Variants in ASCC1 observed in about 807,000 individuals in gnomAD.
ASCC1 encodes the protein ASC-1 complex subunit P50.
Under a neutral mutation model 46.6 loss-of-function variants are expected in ASCC1, and 35 were observed. That is an observed-to-expected ratio of 0.75 (90% confidence interval 0.57 to 0.99). The LOEUF (loss-of-function observed/expected upper bound fraction) is 0.99. Among genes scored for constraint, ASCC1 ranks in the 50% least tolerant of loss-of-function variants. The probability of loss-of-function intolerance (pLI) is 0.00; values close to 1 mark genes in which losing one functional copy is unlikely to be tolerated. For missense variants in ASCC1, 376 were observed against 428.7 expected, an observed-to-expected ratio of 0.88 and a Z score of 1.09; for synonymous variants, 143 against 146.6, an observed-to-expected ratio of 0.98 and a Z score of 0.18.
chr10:72,129,761 G>C (rs1385630949), intron 8 of ASCC1, among the ~76,000 whole-genome samples: 1 of 151,214 alleles, frequency 6.6e-6, no homozygotes, highest in African/African-American at 2.4e-5. Flanking sequence ...AGCCAAGATT[G>C]CACCACTGTA....
chr10:72,156,092 G>A (rs1021656384), intron 6 of ASCC1, among the ~76,000 whole-genome samples: 2 of 152,208 alleles, frequency 1.3e-5, no homozygotes, highest in African/African-American at 4.8e-5. Context: ...AGTGGGAGGT[G>A]TTGGGATCAT....
intron 9 of ASCC1, 132 bp from the exon 10 acceptor site, chr10:72,097,582 T>C (rs1440352080): frequency 1.6e-6 from 1 of 629,434 alleles, no homozygotes; most frequent in East Asian, 3.1e-5. Context: ...CTTTTCAGTG[T>C]TTACTCTGAA....
chr10:72,182,855 C>T (rs891081069), intron 5 of ASCC1, among the ~76,000 whole-genome samples: 2 of 150,360 alleles, frequency 1.3e-5, no homozygotes, highest in Non-Finnish European at 3.0e-5. Context: ...AAACTAAATG[C>T]AATGCCTGAC....
intron 5 of ASCC1, among the ~76,000 whole-genome samples, chr10:72,187,049 A>T (rs1853564430): frequency 6.6e-6 from 1 of 152,042 alleles, no homozygotes; most frequent in South Asian, 2.1e-4. Context: ...AGCTTCAACT[A>T]GTTTGCATTT....
At chr10:72,190,092 T>G in intron 5 of ASCC1, 1 of 758,864 alleles carries the variant, frequency 1.3e-6, no homozygotes, top group Non-Finnish European at 2.4e-6. Context: ...GCGCAGCAAC[T>G]GGGCTGCAAG....
At chr10:72,197,769 G>A (rs1855684561) in intron 4 of ASCC1, among the ~76,000 whole-genome samples, 1 of 151,090 alleles carries the variant, frequency 6.6e-6, no homozygotes, top group South Asian at 2.1e-4. Flanking sequence ...AGCTGGGTGT[G>A]GTGTCACATG....
At chr10:72,202,969 G>C (rs1856692308) in intron 4 of ASCC1, among the ~76,000 whole-genome samples, 3 of 152,054 alleles carry the variant, frequency 2.0e-5, no homozygotes, top group African/African-American at 7.2e-5. Flanking sequence ...TCATTTGGGA[G>C]ACTGGTACTG....
chr10:72,164,850 T>A (rs1027144699), intron 5 of ASCC1, among the ~76,000 whole-genome samples: 4 of 152,220 alleles, frequency 2.6e-5, no homozygotes, highest in African/African-American at 9.6e-5. Flanking sequence ...TACATTGTGG[T>A]TTTGACTTGC....
chr10:72,206,202 G>C (rs11000220), intron 3 of ASCC1, among the ~76,000 whole-genome samples: 21,559 of 151,078 alleles, frequency 0.14, 4,382 homozygotes, highest in African/African-American at 0.45. Context: ...GTCAGGAGTT[G>C]GAAACCAGCC....
chr10:72,169,187 C>T lies in ASCC1; in HGVS notation c.490-7513G>A, dbSNP rs545669583. 1.6e-4 allele frequency among the ~76,000 whole-genome samples: 25 copies of T among 152,312 alleles called. No homozygotes were observed. In the South Asian group the frequency reaches 3.5e-3, roughly 21 times the overall value. On this transcript the variant is annotated intron_variant, in intron 5 of 9. Coordinates refer to ENST00000672957, the MANE Select transcript of ASCC1 (RefSeq NM_001198800.3). Reference sequence around the variant, plus strand: ...GTGCAGGACAGGGCGGGTTGCCTCACACCTGCAATCCCAGCACTTTGGGAG... The same window carrying T: ...GTGCAGGACAGGGCGGGTTGCCTCATACCTGCAATCCCAGCACTTTGGGAG...
chr10:72,112,497 T>C (rs903013541), intron 9 of ASCC1, among the ~76,000 whole-genome samples: 2 of 151,990 alleles, frequency 1.3e-5, no homozygotes, highest in African/African-American at 4.8e-5. Flanking sequence ...GTGATGATGG[T>C]CGCGTAACAA....
chr10:72,113,809 A>G (rs1159477816), intron 9 of ASCC1, among the ~76,000 whole-genome samples: 1 of 152,232 alleles, frequency 6.6e-6, no homozygotes, highest in East Asian at 1.9e-4. Context: ...AAAGCCCCTA[A>G]TAATCTTCTG....
intron 7 of ASCC1, among the ~76,000 whole-genome samples, chr10:72,137,812 G>C (rs1434654194): frequency 6.6e-6 from 1 of 151,836 alleles, no homozygotes; most frequent in African/African-American, 2.4e-5. Flanking sequence ...CAGATAAACT[G>C]CTTTTAAAAG....
In ASCC1 at chr10:72,096,286, T is replaced by A. The variant is rs777754938; in HGVS notation, c.*1048A>T. 1 of 453,972 alleles carries A rather than the reference T, an allele frequency of 2.2e-6. No individual in the cohort carries two copies. Among genetic ancestry groups the A allele is most frequent in the South Asian group, 1.6e-5 (1 of 64,472 alleles). The allele number at this position is 453,972 out of a possible 1,614,324, so 28.1% of individuals were successfully genotyped here. On this transcript the variant is annotated 3_prime_UTR_variant, in exon 10 of 10. Transcript: ENST00000672957. ...CCCGCCTCCCTCTGCTGGTCCGTGG[T>A]GAGGGAGGAGTGAGGGCCTCCTGTG...
intron 5 of ASCC1, among the ~76,000 whole-genome samples, chr10:72,178,151 T>G (rs568855775): frequency 2.6e-5 from 4 of 152,152 alleles, no homozygotes; most frequent in Non-Finnish European, 4.4e-5. Context: ...ATCAGAAGGA[T>G]AGAATGAGAC....
chr10:72,210,632 G>A (rs968358637), intron 3 of ASCC1, 100 bp downstream of exon 3: 1 of 863,350 alleles, frequency 1.2e-6, no homozygotes, highest in Non-Finnish European at 1.9e-6. Context: ...TTTATCATTA[G>A]TAATCAAGCA....
intron 9 of ASCC1, among the ~76,000 whole-genome samples, chr10:72,126,889 C>T (rs1235966996): frequency 6.6e-6 from 1 of 152,124 alleles, no homozygotes; most frequent in Non-Finnish European, 1.5e-5. Context: ...AAAGAGAAAA[C>T]ATATCAAGGA....
intron 9 of ASCC1, among the ~76,000 whole-genome samples, chr10:72,116,584 ATC>A (rs1028494247): frequency 8.5e-5 from 13 of 152,214 alleles, no homozygotes; most frequent in Admixed American, 7.2e-4. Context: ...TGTAATTTTT[ATC>A]TCTGTCTATG....
intron 9 of ASCC1, among the ~76,000 whole-genome samples, chr10:72,113,286 A>G (rs754213695): frequency 6.6e-6 from 1 of 152,130 alleles, no homozygotes; most frequent in Non-Finnish European, 1.5e-5. Flanking sequence ...ACCCTGCATC[A>G]TTCCCTGCCT....
Sources: allele counts gnomAD v4.1 joint callset (sites outside exome capture counted in the v4.1 genomes callset), GRCh38; gene constraint gnomAD v4.1.1; transcripts MANE v1.5; gene names NCBI Gene and HGNC (gene_info 2026-07-23, HGNC 2026-07-21).